RASGRF1: variants seen among roughly 807,000 people sequenced by gnomAD.
The protein encoded by RASGRF1 is Ras protein specific guanine nucleotide releasing factor 1.
RASGRF1 carries 40 observed loss-of-function variants against 138.7 expected under a neutral mutation model. The ratio of observed to expected loss-of-function variants is 0.29; its 90% CI spans 0.22 to 0.38. The LOEUF (loss-of-function observed/expected upper bound fraction) is 0.38. Among genes scored for constraint, RASGRF1 ranks in the 10% least tolerant of loss-of-function variants. RASGRF1 has a pLI of 1.00. For missense variants in RASGRF1, 1,108 were observed against 1,650.4 expected (o/e 0.67, Z 5.69); for synonymous variants, 614 against 663.2 (o/e 0.93, Z 1.14).
At position 79,065,490 on chromosome 15, in the gene RASGRF1, G is replaced by A. The variant is rs531074086; in HGVS notation, c.277-964C>T. On this transcript the variant is annotated intron_variant, in intron 1 of 26. Transcript: ENST00000558480. ...CAGCAGGGACAAAGCCCAGGTTTCA[G>A]GTTTGAGCAACTGGGCATGTTGGGA... Among the ~76,000 whole-genome samples, 8 of 152,174 alleles carry A rather than the reference G, an allele frequency of 5.3e-5. No individual in the cohort carries two copies. In the East Asian group the frequency reaches 1.2e-3, roughly 22 times the overall value.
chr15:78,971,212 G>A (rs1369476909), intron 26 of RASGRF1, among the ~76,000 whole-genome samples: 2 of 152,156 alleles, frequency 1.3e-5, no homozygotes, highest in Non-Finnish European at 2.9e-5. Flanking sequence ...GTTTCTGGAT[G>A]TACAAAGTAT....
At chr15:79,068,450 G>A (rs1158635388) in intron 1 of RASGRF1, among the ~76,000 whole-genome samples, 4 of 149,056 alleles carry the variant, frequency 2.7e-5, no homozygotes, top group Non-Finnish European at 5.9e-5. Context: ...TAAATGAGCT[G>A]GGCTCAAGGT....
chr15:78,974,779 G>C (rs2055840650), intron 24 of RASGRF1, among the ~76,000 whole-genome samples: 1 of 152,128 alleles, frequency 6.6e-6, no homozygotes, highest in South Asian at 2.1e-4. Context: ...ATCAGTATTT[G>C]GCCAGAATTC....
intron 1 of RASGRF1, among the ~76,000 whole-genome samples, chr15:79,072,400 C>T (rs1023851098): frequency 5.3e-5 from 8 of 149,810 alleles, no homozygotes; most frequent in African/African-American, 7.3e-5. Flanking sequence ...CTCAGCCTCC[C>T]GAGGAGCTGG....
At chr15:79,083,819 C>A (rs2057945656) in intron 1 of RASGRF1, among the ~76,000 whole-genome samples, 2 of 152,154 alleles carry the variant, frequency 1.3e-5, no homozygotes, top group African/African-American at 4.8e-5. Context: ...GTGATAACCT[C>A]ACAGGGCTGT....
chr15:78,993,343 T>TGTGTGTGTGGTGTGTGTTTG (rs2056320406), intron 20 of RASGRF1, among the ~76,000 whole-genome samples: 2 of 136,730 alleles, frequency 1.5e-5, no homozygotes, highest in African/African-American at 5.5e-5. Context: ...GTGTAGTGTA[T>TGTGTGTGTGGTGTGTGTTTG]GTGTGTGTGG....
chr15:79,033,040 A>T (rs187087899), intron 6 of RASGRF1, among the ~76,000 whole-genome samples: 1 of 152,160 alleles, frequency 6.6e-6, no homozygotes. Context: ...TCCTTCGTTC[A>T]TCTGCCATTG....
chr15:79,056,390 G>A (rs2057511547), intron 3 of RASGRF1, among the ~76,000 whole-genome samples: 1 of 152,152 alleles, frequency 6.6e-6, no homozygotes, highest in South Asian at 2.1e-4. Flanking sequence ...TCTGTGTTGG[G>A]CGAGGATTGA....
chr15:79,087,236 T>C (rs2057993372), intron 1 of RASGRF1, among the ~76,000 whole-genome samples: 2 of 152,220 alleles, frequency 1.3e-5, no homozygotes, highest in African/African-American at 4.8e-5. Context: ...TCTGTCTTCC[T>C]CAGGGGCTCA....
chr15:78,987,210 A>G (rs529240450), intron 22 of RASGRF1, among the ~76,000 whole-genome samples: 6 of 152,366 alleles, frequency 3.9e-5, no homozygotes, highest in Non-Finnish European at 8.8e-5. Context: ...GTCATTTACT[A>G]TATCAACAGA....
intron 26 of RASGRF1, among the ~76,000 whole-genome samples, chr15:78,964,011 A>G (rs1379317971): frequency 1.3e-5 from 2 of 151,972 alleles, no homozygotes; most frequent in Non-Finnish European, 2.9e-5. Context: ...TTTAGTAGAG[A>G]CGGGGTTTTG....
intron 15 of RASGRF1, among the ~76,000 whole-genome samples, chr15:79,002,630 T>C (rs146987176): frequency 7.2e-4 from 110 of 152,332 alleles, no homozygotes; most frequent in African/African-American, 2.5e-3. Flanking sequence ...AGAAGCCTGG[T>C]ACCAGATGAC....
At chr15:78,977,445 G>C (rs1397730366) in intron 24 of RASGRF1, among the ~76,000 whole-genome samples, 6 of 152,176 alleles carry the variant, frequency 3.9e-5, no homozygotes, top group African/African-American at 1.4e-4. Context: ...ACTGCGATGG[G>C]GTGGGGGTGG....
intron 14 of RASGRF1, chr15:79,005,611 A>G (rs962645902): frequency 5.1e-6 from 5 of 986,772 alleles, no homozygotes; most frequent in African/African-American, 1.7e-5. Flanking sequence ...AGCAAAGGCT[A>G]AGGTGGCCTG....
In RASGRF1 at chr15:79,079,874, C is replaced by T. The variant is rs114790555; in HGVS notation, c.276+10349G>A. On this transcript the variant is annotated intron_variant, in intron 1 of 26. Coordinates refer to ENST00000558480, the MANE Select transcript of RASGRF1 (RefSeq NM_001145648.3). ...ATTCCCCAGGCTTCTCCAAGCTGCA[C>T]CCTGTGTTATCTGGACACCAGGACA... Among the ~76,000 whole-genome samples, 1,280 of 152,336 alleles carry T rather than the reference C, an allele frequency of 8.4e-3. 27 individuals are homozygous for T. Among genetic ancestry groups the T allele is most frequent in the African/African-American group, 0.029 (1,199 of 41,570 alleles).
intron 19 of RASGRF1, 42 bp from the exon 20 acceptor site, chr15:78,995,842 T>C (rs74786906): frequency 0.15 from 237,853 of 1,605,608 alleles, 18,517 homozygotes; most frequent in African/African-American, 0.16. Context: ...CACTTCACGT[T>C]GCAGCAGCCC....
chr15:79,006,754 G>A lies in RASGRF1; in HGVS notation c.1827-320C>T, dbSNP rs185646890. 1.3e-5 allele frequency among the ~76,000 whole-genome samples: 2 copies of A among 152,370 alleles called. No individual in the cohort carries two copies. Among genetic ancestry groups the A allele is most frequent in the Non-Finnish European group, 2.9e-5 (2 of 68,038 alleles). Reference sequence around the variant, plus strand: ...GGATGGGGTGCAGTGGCTCACGCCTGTAATCCCAGCACTTTGGGAGGCTGA... The same window carrying A: ...GGATGGGGTGCAGTGGCTCACGCCTATAATCCCAGCACTTTGGGAGGCTGA... On this transcript the variant is annotated intron_variant, in intron 13 of 26. Coordinates refer to ENST00000558480, the MANE Select transcript of RASGRF1 (RefSeq NM_001145648.3). The surrounding 1 kb of genome is among the most constrained non-coding windows in gnomAD (Gnocchi z 4.0).
At chr15:79,005,066 T>C (rs897976726) in intron 14 of RASGRF1, 16 of 985,224 alleles carry the variant, frequency 1.6e-5, no homozygotes, top group Non-Finnish European at 1.8e-5. Context: ...TCAGTGACTT[T>C]TAGGGGGTAA....
intron 1 of RASGRF1, among the ~76,000 whole-genome samples, chr15:79,082,827 T>G (rs2057930964): frequency 6.6e-6 from 1 of 152,186 alleles, no homozygotes; most frequent in African/African-American, 2.4e-5. Context: ...TTCCATCCTA[T>G]TTTCATATGC....
Sources: allele counts gnomAD v4.1 joint callset (sites outside exome capture counted in the v4.1 genomes callset), GRCh38; gene constraint gnomAD v4.1.1; non-coding constraint Gnocchi (gnomAD v3.1); transcripts MANE v1.5; gene names NCBI Gene and HGNC (gene_info 2026-07-23, HGNC 2026-07-21).